RPAP3: variants seen among roughly 807,000 people sequenced by gnomAD.
RPAP3 encodes the protein RNA polymerase II-associated protein 3.
Under a neutral mutation model 88.8 loss-of-function variants are expected in RPAP3, and 58 were observed. The ratio of observed to expected loss-of-function variants is 0.65; its 90% CI spans 0.53 to 0.81. RPAP3 has a LOEUF of 0.81. RPAP3 is among the 40% of genes least tolerant of loss of function. The pLI, the probability that RPAP3 is intolerant of heterozygous loss-of-function variation, is 0.00. For synonymous variants in RPAP3, 255 were observed against 259.9 expected (o/e 0.98, Z 0.18); for missense variants, 751 against 764.3 (o/e 0.98, Z 0.20).
At chr12:47,689,926 G>A (rs10875682) in intron 6 of RPAP3, among the ~76,000 whole-genome samples, 43,827 of 151,474 alleles carry the variant, frequency 0.29, 7,117 homozygotes, top group Non-Finnish European at 0.37. Context: ...CTGTAATCCC[G>A]GATACTTGGG....
intron 3 of RPAP3, among the ~76,000 whole-genome samples, chr12:47,698,508 A>G (rs956661895): frequency 3.9e-5 from 6 of 152,104 alleles, no homozygotes; most frequent in African/African-American, 1.4e-4. Flanking sequence ...ATTTTTAGTA[A>G]GATTTTATTT....
chr12:47,675,921 C>T (rs1172249040), intron 12 of RPAP3, among the ~76,000 whole-genome samples: 1 of 152,190 alleles, frequency 6.6e-6, no homozygotes, highest in African/African-American at 2.4e-5. Context: ...GAACTCTCCA[C>T]CCTAAATCAA....
intron 10 of RPAP3, among the ~76,000 whole-genome samples, chr12:47,680,966 A>C (rs1224796517): frequency 6.6e-6 from 1 of 151,018 alleles, no homozygotes; most frequent in Non-Finnish European, 1.5e-5. Context: ...AAAACAAAAA[A>C]ACGAAACAAA....
intron 3 of RPAP3, 65 bp from the exon 4 acceptor site, chr12:47,697,784 C>G (rs1939564909): frequency 7.0e-7 from 1 of 1,429,968 alleles, no homozygotes; most frequent in Non-Finnish European, 9.5e-7. Flanking sequence ...GAAAAAAAGA[C>G]ATACTAAAAA....
chr12:47,673,297 G>A (rs1323874343), intron 12 of RPAP3, among the ~76,000 whole-genome samples: 3 of 151,806 alleles, frequency 2.0e-5, no homozygotes, highest in Admixed American at 6.6e-5. Context: ...ACAAAAATTA[G>A]CCAGGCATGA....
chr12:47,675,063 AC>A (rs1403935793), intron 12 of RPAP3, among the ~76,000 whole-genome samples: 1 of 152,222 alleles, frequency 6.6e-6, no homozygotes, highest in African/African-American at 2.4e-5. Flanking sequence ...CAGAAACCCT[AC>A]AAGCCAGAAG....
At chr12:47,678,007 G>C (rs886987417) in intron 12 of RPAP3, among the ~76,000 whole-genome samples, 2 of 152,144 alleles carry the variant, frequency 1.3e-5, no homozygotes, top group Non-Finnish European at 2.9e-5. Flanking sequence ...TATACTAGAA[G>C]ACTACAATAA....
At chr12:47,680,462 AT>A (rs144826199) in intron 10 of RPAP3, among the ~76,000 whole-genome samples, 4,901 of 151,966 alleles carry the variant, frequency 0.032, 109 homozygotes, top group Non-Finnish European at 0.05. Context: ...AACGTTACAT[AT>A]TTTTTTTAAC....
rs1157337144 is a variant in RPAP3, at chr12:47,681,642, T to C, written c.1114+54A>G. ...GGTAAGCTACATGAATCTCTGCTTCTTTAACTTGGGCACTCATCAGGATGA... is the reference window on the plus strand; with the variant it reads ...GGTAAGCTACATGAATCTCTGCTTCCTTAACTTGGGCACTCATCAGGATGA... On this transcript the variant is annotated intron_variant, in intron 10 of 16. Coordinates refer to ENST00000005386, the MANE Select transcript of RPAP3 (RefSeq NM_024604.3). 5.1e-6 allele frequency: 8 copies of C among 1,573,874 alleles called. No individual in the cohort carries two copies. In the African/African-American group the frequency reaches 9.6e-5, roughly 19 times the overall value.
intron 6 of RPAP3, among the ~76,000 whole-genome samples, chr12:47,689,635 A>G (rs1939390329): frequency 6.6e-6 from 1 of 151,400 alleles, no homozygotes; most frequent in Non-Finnish European, 1.5e-5. Context: ...CACTGTGCAG[A>G]GCCAAGCCAC....
At chr12:47,668,784 CA>C (rs1390320191) in intron 14 of RPAP3, 131 bp downstream of exon 14, 1 of 649,598 alleles carries the variant, frequency 1.5e-6, no homozygotes, top group Non-Finnish European at 2.6e-6. Flanking sequence ...ATGGTCTGAC[CA>C]GGGTGATGTA....
At chr12:47,663,664 C>T in intron 16 of RPAP3, 74 bp from the exon 17 acceptor site, 2 of 827,392 alleles carry the variant, frequency 2.4e-6, no homozygotes, top group Non-Finnish European at 3.8e-6. Flanking sequence ...TTAAAAGGAG[C>T]AATCTATTTG....
At chr12:47,688,465 A>G (rs1262693771) in intron 7 of RPAP3, among the ~76,000 whole-genome samples, 1 of 152,164 alleles carries the variant, frequency 6.6e-6, no homozygotes, top group Non-Finnish European at 1.5e-5. Flanking sequence ...AAGCCTGCAC[A>G]TGTACCCTTT....
chr12:47,701,597 G>A lies in RPAP3; in HGVS notation c.161C>T (p.Pro54Leu). The A allele has an allele frequency of 6.3e-7, 1 of 1,584,748 alleles. No individual in the cohort carries two copies. The highest frequency in any genetic ancestry group is 1.8e-5 in the Admixed American group (1 of 55,136). ...RQNGVPEENL[P>L]PIRNGNFRKK... is the part of the protein sequence containing the mutation. ...CCTAAAATTCCCATTTCGAATAGGA[G>A]GTAAATTCTAAGGAGGGAAAAAAAA... is the stretch of plus-strand genomic sequence containing the variant. Residue 54 changes from proline to leucine, a missense_variant, in exon 3 of 17, where the codon CCT (proline) becomes CTT (leucine). By Grantham distance (98) the Pro-to-Leu change is moderately conservative. Transcript: ENST00000005386.
chr12:47,698,806 C>T (rs748120910), intron 3 of RPAP3, among the ~76,000 whole-genome samples: 2 of 152,098 alleles, frequency 1.3e-5, no homozygotes, highest in Admixed American at 1.3e-4. Flanking sequence ...GCCACCGTGA[C>T]GACCATTAGA....
chr12:47,688,881 C>A lies in RPAP3; in HGVS notation c.738+244G>T, dbSNP rs1393585519. 5.3e-5 allele frequency among the ~76,000 whole-genome samples: 8 copies of A among 152,156 alleles called. No homozygotes were observed. The East Asian group carries it at 1.3e-3, about 26-fold the overall frequency. The stretch of plus-strand genomic sequence containing the variant: ...GATAAAAAAATAATAATTCTGTCAT[C>A]TGAGAAAGAGTAAAGCAGCAGTAGT... On this transcript the variant is annotated intron_variant, in intron 7 of 16. Coordinates refer to ENST00000005386, the MANE Select transcript of RPAP3 (RefSeq NM_024604.3).
At chr12:47,679,248 C>T (rs1203000217) in intron 12 of RPAP3, among the ~76,000 whole-genome samples, 1 of 151,880 alleles carries the variant, frequency 6.6e-6, no homozygotes, top group Non-Finnish European at 1.5e-5. Context: ...GGACCTGTTG[C>T]GGGTGGTGGG....
intron 3 of RPAP3, among the ~76,000 whole-genome samples, chr12:47,698,320 T>C (rs1427274364): frequency 6.6e-6 from 1 of 152,120 alleles, no homozygotes; most frequent in African/African-American, 2.4e-5. Context: ...TCAATCGATA[T>C]GTTATACTGT....
chr12:47,686,619 A>T (rs1939329364), intron 9 of RPAP3, among the ~76,000 whole-genome samples, 161 bp downstream of exon 9: 1 of 151,864 alleles, frequency 6.6e-6, no homozygotes, highest in Non-Finnish European at 1.5e-5. Flanking sequence ...AATGCTCAAA[A>T]ATACATAAAT....
Sources: allele counts gnomAD v4.1 joint callset (sites outside exome capture counted in the v4.1 genomes callset), GRCh38; gene constraint gnomAD v4.1.1; transcripts MANE v1.5; gene names NCBI Gene and HGNC (gene_info 2026-07-23, HGNC 2026-07-21).